Variants in PGAP2 observed in about 807,000 individuals in gnomAD.
The protein encoded by PGAP2 is acyltransferase PGAP2.
In PGAP2, 21 loss-of-function variants were observed where a neutral mutation model predicts 33.2. That is an observed-to-expected ratio of 0.63 (90% confidence interval 0.45 to 0.91). The LOEUF (loss-of-function observed/expected upper bound fraction) is 0.91, where lower values mean the gene tolerates loss of function less well. Among genes scored for constraint, PGAP2 ranks in the 40% least tolerant of loss-of-function variants. The pLI is 0.00. For synonymous variants in PGAP2, 161 were observed against 172.9 expected (o/e 0.93, Z 0.54); for missense variants, 345 against 424.0 (o/e 0.81, Z 1.64).
At chr11:3,807,616 GT>G (rs1374712427), upstream of PGAP2, among the ~76,000 whole-genome samples, 27 of 151,986 alleles carry the variant, frequency 1.8e-4, no homozygotes, top group Non-Finnish European at 1.5e-5. Flanking sequence ...CCCTCACAGG[GT>G]TTTTATGAGG....
At chr11:3,824,494 A>T in intron 5 of PGAP2, 118 bp downstream of exon 5, 18 of 1,433,338 alleles carry the variant, frequency 1.3e-5, no homozygotes, top group Middle Eastern at 1.8e-4. Flanking sequence ...ACCCTGGCAG[A>T]GGGGTGCTGG....
At chr11:3,800,299 C>G (rs899906127) in intron 1 of PGAP2, among the ~76,000 whole-genome samples, 4 of 152,144 alleles carry the variant, frequency 2.6e-5, no homozygotes, top group African/African-American at 9.7e-5. Context: ...ATTTTTAAGG[C>G]TCTCTTCTAC....
At chr11:3,817,733 G>A in intron 3 of PGAP2, 198 bp downstream of exon 3, 1 of 694,390 alleles carries the variant, frequency 1.4e-6, no homozygotes, top group South Asian at 1.5e-5. Flanking sequence ...TCCTCCCTGA[G>A]TTGGAAGATG....
At chr11:3,799,552 A>G (rs546911316) in intron 1 of PGAP2, among the ~76,000 whole-genome samples, 29 of 152,308 alleles carry the variant, frequency 1.9e-4, no homozygotes, top group East Asian at 1.3e-3. Flanking sequence ...CTCCACCACT[A>G]CTCCTTTGTG....
chr11:3,808,574 C>G lies in PGAP2; in HGVS notation c.-88C>G, dbSNP rs1043984215. ...CCGCCCCCGCCGTTCGCGCTCTGAC[C>G]AGCCCGCAGAGCCAGCCCCCGACCC... On this transcript the variant is annotated 5_prime_UTR_variant, in exon 1 of 7. Coordinates refer to ENST00000278243, the MANE Select transcript of PGAP2 (RefSeq NM_014489.4). The G allele has an allele frequency of 2.2e-6, 3 of 1,374,190 alleles. No individual in the cohort carries two copies. Among genetic ancestry groups the G allele is most frequent in the Non-Finnish European group, 2.8e-6 (3 of 1,064,972 alleles). 85.1% of individuals were successfully genotyped at this position (1,374,190 alleles called of 1,614,324 possible).
rs1032012879 is a variant in PGAP2 at position 3,817,758 on chromosome 11, A to G, written c.348+223A>G. On this transcript the variant is annotated intron_variant, in intron 3 of 6. Transcript: ENST00000278243. ...GTTGGAAGATGATGATAGAAATGCA[A>G]GGGAGATGACGGGCGCAGTGGCTCA... The G allele has an allele frequency of 1.0e-5, 7 of 679,986 alleles. No homozygotes were observed. In the African/African-American group the frequency reaches 1.2e-4, roughly 12 times the overall value. 42.1% of individuals were successfully genotyped at this position (679,986 alleles called of 1,614,324 possible). A position where few individuals can be genotyped will look rare whatever the true frequency, so the allele number is the denominator to read the frequency against.
intron 3 of PGAP2, chr11:3,823,013 T>G (rs889310485): frequency 1.4e-5 from 15 of 1,064,844 alleles, no homozygotes; most frequent in Non-Finnish European, 1.9e-5. Flanking sequence ...ACCCACTTTC[T>G]TTTTTCTTTT....
intron 1 of PGAP2, among the ~76,000 whole-genome samples, chr11:3,799,114 C>A (rs1297079341): frequency 4.6e-5 from 7 of 152,228 alleles, no homozygotes; most frequent in African/African-American, 1.7e-4. Flanking sequence ...TTGGGCTCTT[C>A]TTGGAAGTCC....
At chr11:3,821,348 C>T (rs755550254) in intron 3 of PGAP2, among the ~76,000 whole-genome samples, 16 of 152,272 alleles carry the variant, frequency 1.1e-4, no homozygotes, top group Non-Finnish European at 1.8e-4. Context: ...CAAATTCATT[C>T]CCTTGCTGGG....
chr11:3,806,917 AG>A (rs1464569638), upstream of PGAP2, among the ~76,000 whole-genome samples: 2 of 151,994 alleles, frequency 1.3e-5, no homozygotes, highest in East Asian at 3.9e-4. Flanking sequence ...GCTACCCGGG[AG>A]GCTGAGATAG....
chr11:3,806,542 G>A (rs549946122), upstream of PGAP2, among the ~76,000 whole-genome samples: 3 of 152,170 alleles, frequency 2.0e-5, no homozygotes, highest in Admixed American at 6.5e-5. Context: ...TAGACTGGGT[G>A]AATGAACAAA....
At chr11:3,824,618 A>G in intron 5 of PGAP2, 3 of 697,974 alleles carry the variant, frequency 4.3e-6, no homozygotes, top group Non-Finnish European at 4.7e-6. Flanking sequence ...GAGGCTGCAA[A>G]TGGGGATAGA....
rs2089583143 is a variant in PGAP2, at chr11:3,824,318, A to G, written c.650A>G (p.His217Arg). The G allele has an allele frequency of 6.2e-7, 1 of 1,614,228 alleles. No homozygotes were observed. Among genetic ancestry groups the G allele is most frequent in the South Asian group, 1.1e-5 (1 of 91,088 alleles). Residue 217 changes from histidine (H) to arginine (R), a missense_variant, in exon 5 of 7, where the codon CAC (histidine) becomes CGC (arginine). Physicochemically the swap from His to Arg is conservative, Grantham distance 29 (BLOSUM62 0). Around this residue, in one of 2 missense-constraint regions of PGAP2, gnomAD observed 311 missense variants for 353.6 expected, o/e 0.88. Transcript: ENST00000278243. ...FIVFIASSLG[H>R]MLLTCILWRL... is the part of the protein sequence containing the mutation. Reference sequence around the variant, plus strand: ...GTGTTCATTGCCTCATCCCTCGGGCACATGCTCCTCACCTGCATTCTCTGG... The same window carrying G: ...GTGTTCATTGCCTCATCCCTCGGGCGCATGCTCCTCACCTGCATTCTCTGG...
At chr11:3,809,473 C>A (rs1363816636) in intron 1 of PGAP2, among the ~76,000 whole-genome samples, 1 of 152,162 alleles carries the variant, frequency 6.6e-6, no homozygotes, top group Non-Finnish European at 1.5e-5. Flanking sequence ...ATGGATTATC[C>A]CTTGAACCTC....
chr11:3,806,547 A>G (rs2084376898), upstream of PGAP2, among the ~76,000 whole-genome samples: 1 of 152,202 alleles, frequency 6.6e-6, no homozygotes, highest in Non-Finnish European at 1.5e-5. Context: ...TGGGTGAATG[A>G]ACAAAAGTGA....
chr11:3,811,450 C>A lies in PGAP2; in HGVS notation c.165+26C>A. 6.3e-7 allele frequency: 1 copy of A among 1,595,736 alleles called. No homozygotes were observed. Among genetic ancestry groups the A allele is most frequent in the South Asian group, 1.1e-5 (1 of 89,992 alleles). On this transcript the variant is annotated intron_variant, in intron 2 of 6. Transcript: ENST00000278243. This position sits in a 1 kb window ranked among gnomAD's most constrained non-coding sequence, Gnocchi z 4.6. The stretch of plus-strand genomic sequence containing the variant: ...GTAGGGCATGGGGACACTGATACCT[C>A]ATATTCAGGCCGATCTGGATCTTCT...
At chr11:3,799,840 G>A (rs982404296) in intron 1 of PGAP2, among the ~76,000 whole-genome samples, 3 of 152,236 alleles carry the variant, frequency 2.0e-5, no homozygotes, top group South Asian at 4.1e-4. Context: ...GGTGGCAAGC[G>A]CCTGTGGTCC....
intron 5 of PGAP2, chr11:3,824,638 C>T (rs747945452): frequency 8.1e-5 from 56 of 692,260 alleles, no homozygotes; most frequent in African/African-American, 6.8e-4. Flanking sequence ...AATGAGGAGT[C>T]GCATCTAGGC....
At position 3,825,687 on chromosome 11, in the gene PGAP2, G is replaced by A; in HGVS notation, c.*229G>A. ...ATCACCTTTACCTGAGAGGCCCCAA[G>A]AAGCTGAGCTGGCAGAGAGCTCCAC... On this transcript the variant is annotated 3_prime_UTR_variant, in exon 7 of 7. Transcript: ENST00000278243. The A allele has an allele frequency of 3.1e-6, 1 of 325,040 alleles. No homozygotes were observed. Among genetic ancestry groups the A allele is most frequent in the South Asian group, 4.6e-5 (1 of 21,876 alleles). 20.1% of individuals were successfully genotyped at this position (325,040 alleles called of 1,614,324 possible).
Sources: allele counts gnomAD v4.1 joint callset (sites outside exome capture counted in the v4.1 genomes callset), GRCh38; gene constraint gnomAD v4.1.1; regional missense constraint gnomAD v4.1.1; non-coding constraint Gnocchi (gnomAD v3.1); transcripts MANE v1.5; gene names NCBI Gene and HGNC (gene_info 2026-07-23, HGNC 2026-07-21).